RPS3: variants seen among roughly 807,000 people sequenced by gnomAD.
The protein encoded by RPS3 is ribosomal protein S3, also known as small ribosomal subunit protein uS3.
A neutral mutation model predicts 25.8 loss-of-function variants in RPS3; 2 were observed. The observed-to-expected ratio is 0.08, with a 90% CI of 0.03 to 0.24. The LOEUF (loss-of-function observed/expected upper bound fraction) is 0.24, where lower values mean the gene tolerates loss of function less well. RPS3 is among the 10% of genes least tolerant of loss of function. The probability of loss-of-function intolerance (pLI) is 1.00; values close to 1 mark genes in which losing one functional copy is unlikely to be tolerated. For synonymous variants in RPS3, 114 were observed against 114.2 expected (o/e 1.00, Z 0.01); for missense variants, 107 against 307.1 (o/e 0.35, Z 4.87).
At chr11:75,420,126 A>C (rs1189036276) in intron 6 of RPS3, among the ~76,000 whole-genome samples, 1 of 152,194 alleles carries the variant, frequency 6.6e-6, no homozygotes, top group East Asian at 1.9e-4. Context: ...CTCAGGATTC[A>C]TGGCCTGGCT....
chr11:75,416,458 C>CTTTTTTTTTT (rs72030839), intron 6 of RPS3, among the ~76,000 whole-genome samples: 2 of 125,976 alleles, frequency 1.6e-5, no homozygotes, highest in South Asian at 2.4e-4. Context: ...TTGATTATTT[C>CTTTTTTTTTT]TATTTTTTTT....
chr11:75,409,169 A>AT (rs762525990), downstream of RPS3, among the ~76,000 whole-genome samples: 122 of 145,746 alleles, frequency 8.4e-4, no homozygotes, highest in Non-Finnish European at 1.3e-3. Flanking sequence ...TATTTTATTT[A>AT]TTATTATTAT....
At chr11:75,403,880 G>T in intron 4 of RPS3, 140 bp from the exon 5 acceptor site, 5 of 715,728 alleles carry the variant, frequency 7.0e-6, no homozygotes, top group Non-Finnish European at 1.2e-5. Flanking sequence ...GTGTGGAAGA[G>T]AATTGGTATT....
Position 75,420,653 on chromosome 11 carries a change from G to A in RPS3, c.*4-1074G>A, listed in dbSNP as rs149026762. Among the ~76,000 whole-genome samples, 581 of 152,268 alleles carry A rather than the reference G, an allele frequency of 3.8e-3. 1 individual carries two copies. Among genetic ancestry groups the A allele is most frequent in the Middle Eastern group, 6.8e-3 (2 of 294 alleles). On this transcript the variant is annotated intron_variant, in intron 6 of 6. Coordinates refer to the RPS3 transcript ENST00000527446. ...GCCTTACACTATTACAAGATTTAGT[G>A]TAGTCAGTGGGAAGCCTTGTTCCAG...
rs1383743762 is a variant in RPS3, at chr11:75,406,563, G to GGTAA, written c.*955_*958dup. The GGTAA allele has an allele frequency of 6.6e-6, 1 of 152,184 alleles. No individual in the cohort carries two copies. The highest frequency in any genetic ancestry group is 1.5e-5 in the Non-Finnish European group (1 of 68,034). 9.4% of individuals were successfully genotyped at this position (152,184 alleles called of 1,614,324 possible). A position where few individuals can be genotyped will look rare whatever the true frequency, so the allele number is the denominator to read the frequency against. On this transcript the variant is annotated 3_prime_UTR_variant, in exon 7 of 7. Transcript: ENST00000531188. ...ATGGTGTTTATATTGCTTGGCACAT[G>GGTAA]GTAAGGGCTTAATATTTGAGGTAAT...
intron 6 of RPS3, among the ~76,000 whole-genome samples, chr11:75,413,300 GTGCGATCTCGACTCAC>G (rs575724769): frequency 1.3e-5 from 2 of 151,828 alleles, no homozygotes; most frequent in Admixed American, 6.6e-5. Flanking sequence ...GAGTGCGGTG[GTGCGATCTCGACTCAC>G]TGCGATCTCA....
downstream of RPS3, among the ~76,000 whole-genome samples, chr11:75,409,844 G>A (rs1171671276): frequency 4.7e-5 from 7 of 150,492 alleles, no homozygotes; most frequent in Non-Finnish European, 8.9e-5. Context: ...CCCGGACGGG[G>A]CGGCTGGCCG....
At chr11:75,409,727 G>A (rs1217525805), downstream of RPS3, among the ~76,000 whole-genome samples, 2 of 149,608 alleles carry the variant, frequency 1.3e-5, no homozygotes, top group African/African-American at 2.5e-5. Context: ...GGTCGTGGCC[G>A]GGCAGAGGGG....
At position 75,404,550 on chromosome 11, in the gene RPS3, G is replaced by A. The variant is rs771608578; in HGVS notation, c.539-122G>A. 1.1e-6 allele frequency: 1 copy of A among 921,506 alleles called. No individual in the cohort carries two copies. The highest frequency in any genetic ancestry group is 1.8e-6 in the Non-Finnish European group (1 of 548,230). The allele number at this position is 921,506 out of a possible 1,614,324, so 57.1% of individuals were successfully genotyped here. On this transcript the variant is annotated intron_variant, in intron 5 of 6. Transcript: ENST00000531188. The surrounding 1 kb of genome is among the most constrained non-coding windows in gnomAD (Gnocchi z 4.6). ...GTCCTATTTATTGATCGATTTAGAGGCATTTGTCTGAGAAGGGTCCAGACC... is the reference window on the plus strand; with the variant it reads ...GTCCTATTTATTGATCGATTTAGAGACATTTGTCTGAGAAGGGTCCAGACC...
Position 75,418,364 on chromosome 11 carries a change from A to G in RPS3, c.*4-3363A>G, listed in dbSNP as rs369395837. Among the ~76,000 whole-genome samples, 73 of 152,366 alleles carry G rather than the reference A, an allele frequency of 4.8e-4. No homozygotes were observed. The East Asian group carries it at 8.3e-3, about 17-fold the overall frequency. The stretch of plus-strand genomic sequence containing the variant: ...TGAACTGCCTGGAACCCAAGATCCT[A>G]AACATTTTTTAACCGTATTTGGGTT... On this transcript the variant is annotated intron_variant, in intron 6 of 6. Transcript: ENST00000527446.
intron 1 of RPS3, chr11:75,399,944 C>A (rs1592019245): frequency 2.8e-6 from 1 of 352,350 alleles, no homozygotes; most frequent in Non-Finnish European, 5.2e-6. Context: ...TGTATTCTTG[C>A]CTTAACTGGT....
chr11:75,420,876 C>T (rs1176909224), intron 6 of RPS3, among the ~76,000 whole-genome samples: 1 of 151,894 alleles, frequency 6.6e-6, no homozygotes, highest in East Asian at 1.9e-4. Context: ...CCTGGGCAGA[C>T]AAAGGAGAGG....
rs773183964 is a variant in RPS3, at chr11:75,401,779, A to T, written c.255+46A>T. 12 of 1,059,960 alleles carry T rather than the reference A, an allele frequency of 1.1e-5. No homozygotes were observed. In the Admixed American group the frequency reaches 2.1e-4, roughly 19 times the overall value. The allele number at this position is 1,059,960 out of a possible 1,614,324, so 65.7% of individuals were successfully genotyped here. A position where few individuals can be genotyped will look rare whatever the true frequency, so the allele number is the denominator to read the frequency against. ...CCAGAGGTAATGGCTCTTCAGAATG[A>T]TACTTCTAAAAACTCTCAACTTGGA... On this transcript the variant is annotated intron_variant, in intron 3 of 6. Coordinates refer to ENST00000531188, the MANE Select transcript of RPS3 (RefSeq NM_001005.5).
chr11:75,413,618 TC>T (rs1479351721), intron 6 of RPS3, among the ~76,000 whole-genome samples: 1 of 152,228 alleles, frequency 6.6e-6, no homozygotes, highest in Non-Finnish European at 1.5e-5. Context: ...TGTATTTTTA[TC>T]TTTTCCCAGA....
chr11:75,417,563 T>G (rs187089192), intron 6 of RPS3, among the ~76,000 whole-genome samples: 17 of 152,250 alleles, frequency 1.1e-4, no homozygotes, highest in African/African-American at 3.9e-4. Flanking sequence ...CGCCACTGCA[T>G]TCCAGCCTGG....
intron 1 of RPS3, 167 bp downstream of exon 1, chr11:75,399,744 A>G: frequency 6.5e-6 from 4 of 617,444 alleles, no homozygotes; most frequent in Non-Finnish European, 1.2e-5. Flanking sequence ...GAGAGGCCCC[A>G]GCCAGGAGGG....
intron 4 of RPS3, 83 bp downstream of exon 4, chr11:75,402,529 C>T (rs1948225796): frequency 6.9e-7 from 1 of 1,446,918 alleles, no homozygotes; most frequent in Non-Finnish European, 9.5e-7. Context: ...AGCAGATGAA[C>T]TGTTACAAAG....
At chr11:75,408,480 TAAA>T (rs1554990311), downstream of RPS3, among the ~76,000 whole-genome samples, 33 of 140,418 alleles carry the variant, frequency 2.4e-4, no homozygotes, top group South Asian at 1.5e-3. Flanking sequence ...CTCAAAAAAA[TAAA>T]AAAAAAACCC....
intron 6 of RPS3, among the ~76,000 whole-genome samples, chr11:75,414,272 G>C (rs1178163605): frequency 1.3e-5 from 2 of 152,186 alleles, no homozygotes; most frequent in Non-Finnish European, 2.9e-5. Context: ...TATGGCTATT[G>C]GCAACATGGA....
Sources: allele counts gnomAD v4.1 joint callset (sites outside exome capture counted in the v4.1 genomes callset), GRCh38; gene constraint gnomAD v4.1.1; non-coding constraint Gnocchi (gnomAD v3.1); transcripts MANE v1.5; gene names NCBI Gene and HGNC (gene_info 2026-07-23, HGNC 2026-07-21).